NKAIN2: variants seen among roughly 807,000 people sequenced by gnomAD.
NKAIN2 encodes sodium/potassium transporting ATPase interacting 2.
Under a neutral mutation model 32.6 loss-of-function variants are expected in NKAIN2, and 14 were observed. That is an observed-to-expected ratio of 0.43 (90% CI 0.28 to 0.67). NKAIN2 has a LOEUF of 0.67. NKAIN2 is among the 30% of genes least tolerant of loss of function. NKAIN2 has a pLI of 0.17. For synonymous variants in NKAIN2, 80 were observed against 87.2 expected (o/e 0.92, Z 0.46); for missense variants, 198 against 258.3 (o/e 0.77, Z 1.60).
chr6:124,673,944 T>C (rs77013270), intron 4 of NKAIN2, among the ~76,000 whole-genome samples: 4,638 of 152,108 alleles, frequency 0.03, 120 homozygotes, highest in African/African-American at 0.076. Context: ...ATCAAAGAAA[T>C]CATTACCAAA....
chr6:124,229,481 AAGAT>A (rs1392477690), intron 1 of NKAIN2, among the ~76,000 whole-genome samples: 14 of 132,214 alleles, frequency 1.1e-4, no homozygotes, highest in South Asian at 4.9e-4. Flanking sequence ...AGTATTTTCA[AAGAT>A]AGATAGATAG....
chr6:124,515,648 A>C (rs1778879837), intron 3 of NKAIN2, among the ~76,000 whole-genome samples: 1 of 152,068 alleles, frequency 6.6e-6, no homozygotes, highest in African/African-American at 2.4e-5. Context: ...AGATTTCAAC[A>C]TGAGGTTTGG....
At chr6:124,415,032 G>T (rs1247116575) in intron 3 of NKAIN2, among the ~76,000 whole-genome samples, 1 of 151,984 alleles carries the variant, frequency 6.6e-6, no homozygotes, top group Non-Finnish European at 1.5e-5. Context: ...CAACACAGAA[G>T]ACTTCTGTGA....
chr6:124,276,452 A>G (rs1188036900), intron 1 of NKAIN2, among the ~76,000 whole-genome samples: 1 of 152,028 alleles, frequency 6.6e-6, no homozygotes, highest in Non-Finnish European at 1.5e-5. Context: ...CTCCTATTTT[A>G]CATGTATAAT....
At chr6:124,326,840 T>C (rs9482535) in intron 2 of NKAIN2, among the ~76,000 whole-genome samples, 21,935 of 152,112 alleles carry the variant, frequency 0.14, 3,294 homozygotes, top group African/African-American at 0.37. Flanking sequence ...CAGGAGGGCA[T>C]AGGTAACCAT....
chr6:124,244,107 T>A (rs1448826470), intron 1 of NKAIN2, among the ~76,000 whole-genome samples: 1 of 151,890 alleles, frequency 6.6e-6, no homozygotes, highest in African/African-American at 2.4e-5. Flanking sequence ...TTTTTTATTA[T>A]ACTTTAAGTT....
intron 4 of NKAIN2, among the ~76,000 whole-genome samples, chr6:124,786,055 T>C (rs917201934): frequency 6.6e-6 from 1 of 152,234 alleles, no homozygotes; most frequent in East Asian, 1.9e-4. Context: ...ACTGTAAAAT[T>C]TTCTGTCTTG....
chr6:124,475,346 A>C (rs2114684257), intron 3 of NKAIN2, among the ~76,000 whole-genome samples: 1 of 152,274 alleles, frequency 6.6e-6, no homozygotes, highest in Admixed American at 6.5e-5. Context: ...ATTGGTACTT[A>C]TGCTACAGCA....
intron 5 of NKAIN2, among the ~76,000 whole-genome samples, chr6:124,804,775 G>A (rs1007563201): frequency 3.3e-5 from 5 of 152,168 alleles, no homozygotes; most frequent in South Asian, 2.1e-4. Flanking sequence ...CTGGAAAATC[G>A]GATCACTCCC....
intron 3 of NKAIN2, among the ~76,000 whole-genome samples, chr6:124,470,308 C>A (rs1776922007): frequency 6.6e-6 from 1 of 151,960 alleles, no homozygotes; most frequent in Non-Finnish European, 1.5e-5. Context: ...ATTTTAATTT[C>A]TATATTAACT....
intron 3 of NKAIN2, among the ~76,000 whole-genome samples, chr6:124,467,126 T>G (rs1776791675): frequency 6.6e-6 from 1 of 152,080 alleles, no homozygotes; most frequent in South Asian, 2.1e-4. Context: ...ATGTTTATTT[T>G]GCTAGGTTTG....
intron 1 of NKAIN2, among the ~76,000 whole-genome samples, chr6:124,039,504 T>C (rs141351747): frequency 3.6e-4 from 55 of 152,110 alleles, no homozygotes; most frequent in African/African-American, 1.3e-3. Flanking sequence ...TTCTTAATTC[T>C]ACATTATTTT....
intron 1 of NKAIN2, among the ~76,000 whole-genome samples, chr6:123,863,205 T>C (rs1388144849): frequency 6.6e-6 from 1 of 152,204 alleles, no homozygotes; most frequent in Non-Finnish European, 1.5e-5. Context: ...TAGAAGTAGA[T>C]ATTAAAATTA....
chr6:123,965,985 G>A (rs145259062), intron 1 of NKAIN2, among the ~76,000 whole-genome samples: 14 of 152,276 alleles, frequency 9.2e-5, no homozygotes, highest in Middle Eastern at 3.4e-3. Flanking sequence ...GTAGCTAGCT[G>A]GCCTGTCGTT....
At chr6:124,654,228 A>G (rs1784461123) in intron 3 of NKAIN2, among the ~76,000 whole-genome samples, 1 of 152,178 alleles carries the variant, frequency 6.6e-6, no homozygotes, top group Non-Finnish European at 1.5e-5. Context: ...TATGAAATGG[A>G]AAGAACCGTG....
At chr6:123,931,789 C>G (rs1275998386) in intron 1 of NKAIN2, among the ~76,000 whole-genome samples, 1 of 152,012 alleles carries the variant, frequency 6.6e-6, no homozygotes, top group African/African-American at 2.4e-5. Flanking sequence ...TTCATTTGAT[C>G]TACTAACCCT....
chr6:123,962,343 A>C (rs955340655), intron 1 of NKAIN2, among the ~76,000 whole-genome samples: 2 of 152,154 alleles, frequency 1.3e-5, no homozygotes, highest in African/African-American at 4.8e-5. Flanking sequence ...GCATTAGTGA[A>C]GTTTGGAAGG....
chr6:124,795,205 C>A (rs1779944737), intron 5 of NKAIN2, among the ~76,000 whole-genome samples: 1 of 152,158 alleles, frequency 6.6e-6, no homozygotes, highest in African/African-American at 2.4e-5. Context: ...GTAGCTTGTG[C>A]TTAGAATGGC....
chr6:124,494,036 A>G (rs894254498), intron 3 of NKAIN2, among the ~76,000 whole-genome samples: 1 of 152,054 alleles, frequency 6.6e-6, no homozygotes, highest in Non-Finnish European at 1.5e-5. Context: ...TCTGCTTTCA[A>G]GGACTCCAAC....
Sources: gnomAD v4.1 joint callset for allele counts (sites outside exome capture counted in the v4.1 genomes callset) on GRCh38, gnomAD v4.1.1 for gene constraint, MANE v1.5 for transcripts, NCBI Gene and HGNC (gene_info 2026-07-23, HGNC 2026-07-21) for gene names.